Variants in MGAM2 observed in about 807,000 individuals in gnomAD.
MGAM2 encodes maltase-glucoamylase 2 (putative), also known as probable maltase-glucoamylase 2.
A neutral mutation model predicts 96.1 loss-of-function variants in MGAM2; 98 were observed. The observed-to-expected ratio is 1.02, with a 90% confidence interval of 0.87 to 1.21. The LOEUF is 1.21. Among genes scored for constraint, MGAM2 ranks in the 50% most tolerant of loss-of-function variants. The pLI, the probability that MGAM2 is intolerant of heterozygous loss-of-function variation, is 0.00. For missense variants in MGAM2, 2,055 were observed against 1,182.4 expected (o/e 1.74, Z -10.82); for synonymous variants, 749 against 414.8 (o/e 1.81, Z -9.79).
In MGAM2 at chr7:142,217,063, T is replaced by C. The variant is rs1272236946; in HGVS notation, c.5188-1298T>C. ...GCTTACCAGGAGTTCCGAAGTTACA[T>C]GTCCTTCCTAAGTTCTCTCTTGACC... is the stretch of plus-strand genomic sequence containing the variant. On this transcript the variant is annotated intron_variant, in intron 46 of 47. Coordinates refer to ENST00000477922, the MANE Select transcript of MGAM2 (RefSeq NM_001293626.2). Among the ~76,000 whole-genome samples, 3 of 152,218 alleles carry C rather than the reference T, an allele frequency of 2.0e-5. No homozygotes were observed. In the East Asian group the frequency reaches 5.8e-4, roughly 29 times the overall value.
intron 32 of MGAM2, among the ~76,000 whole-genome samples, chr7:142,181,267 A>G (rs919944538): frequency 1.3e-5 from 2 of 152,090 alleles, no homozygotes; most frequent in Admixed American, 1.3e-4. Flanking sequence ...TATGTTGAGT[A>G]TAGTTGATTG....
chr7:142,175,520 T>C (rs1349867159), intron 31 of MGAM2, 132 bp from the exon 32 acceptor site: 5 of 597,702 alleles, frequency 8.4e-6, no homozygotes, highest in Non-Finnish European at 1.5e-5. Flanking sequence ...AGGGAAGTAA[T>C]GAGATGAGGA....
At position 142,134,787 on chromosome 7, in the gene MGAM2, A is replaced by C. The variant is rs560531390; in HGVS notation, c.747+635A>C. Among the ~76,000 whole-genome samples the C allele has an allele frequency of 2.0e-5, 3 of 152,092 alleles. No homozygotes were observed. In the South Asian group the frequency reaches 6.2e-4, roughly 32 times the overall value. On this transcript the variant is annotated intron_variant, in intron 7 of 47. Transcript: ENST00000477922. ...AAGGACTAGTTTCTTAAAAAAAAAA[A>C]AAAAATCTAGCACTGGCAATAATTT...
Position 142,220,054 on chromosome 7 carries a change from C to A in MGAM2, c.5543C>A (p.Ala1848Glu), listed in dbSNP as rs1387810343. ...GAGACAATCACCAGTTCTGCCAGTGCAAATACTACCACTGGCACTACTGAT... is the reference window on the plus strand; with the variant it reads ...GAGACAATCACCAGTTCTGCCAGTGAAAATACTACCACTGGCACTACTGAT... ...SSETITSSAS[A>E]NTTTGTTDTV... Residue 1848 changes from alanine to glutamate, a missense_variant, in exon 48 of 48, where the codon GCA (alanine) becomes GAA (glutamate). By Grantham distance (107) the Ala-to-Glu change is moderately radical (BLOSUM62 -1). Transcript: ENST00000477922. 1 of 702,932 alleles carries A rather than the reference C, an allele frequency of 1.4e-6. No homozygotes were observed. Among genetic ancestry groups the A allele is most frequent in the East Asian group, 2.7e-5 (1 of 37,286 alleles). 43.5% of individuals were successfully genotyped at this position (702,932 alleles called of 1,614,324 possible). A position where few individuals can be genotyped will look rare whatever the true frequency, so the allele number is the denominator to read the frequency against.
intron 32 of MGAM2, among the ~76,000 whole-genome samples, chr7:142,181,319 G>C (rs990226312): frequency 2.0e-5 from 3 of 152,188 alleles, no homozygotes; most frequent in Non-Finnish European, 4.4e-5. Context: ...GGCTCTTTAA[G>C]AGATATTTAT....
intron 8 of MGAM2, among the ~76,000 whole-genome samples, 161 bp from the exon 9 acceptor site, chr7:142,137,272 T>C (rs1347120171): frequency 6.6e-6 from 1 of 152,084 alleles, no homozygotes; most frequent in Non-Finnish European, 1.5e-5. Flanking sequence ...TTCAATACTT[T>C]GATAAACTCC....
At chr7:142,113,587 T>C (rs1817250039) in intron 1 of MGAM2, among the ~76,000 whole-genome samples, 1 of 152,146 alleles carries the variant, frequency 6.6e-6, no homozygotes, top group South Asian at 2.1e-4. Flanking sequence ...AACAGATAAT[T>C]TGGCCAAATT....
At position 142,220,666 on chromosome 7, in the gene MGAM2, C is replaced by T. The variant is rs1343597195; in HGVS notation, c.6155C>T (p.Thr2052Ile). Residue 2052 changes from threonine to isoleucine, a missense_variant, in exon 48 of 48, where the codon ACT (threonine) becomes ATT (isoleucine). Transcript: ENST00000477922. ...TAPFPTSTTS[T>I]STSATVPITT... ...CCTTTCCCTACAAGTACTACTAGTACTAGCACTAGTGCTACTGTTCCTATT... is the reference window on the plus strand; with the variant it reads ...CCTTTCCCTACAAGTACTACTAGTATTAGCACTAGTGCTACTGTTCCTATT... The T allele has an allele frequency of 4.3e-6, 3 of 702,244 alleles. No individual in the cohort carries two copies. The African/African-American group carries it at 5.3e-5, about 12-fold the overall frequency. 43.5% of individuals were successfully genotyped at this position (702,244 alleles called of 1,614,324 possible).
At chr7:142,150,745 A>C (rs1414093706) in intron 15 of MGAM2, among the ~76,000 whole-genome samples, 1 of 152,154 alleles carries the variant, frequency 6.6e-6, no homozygotes, top group Non-Finnish European at 1.5e-5. Context: ...CCAGTGTAAA[A>C]TTATTTGTGC....
intron 22 of MGAM2, 93 bp from the exon 23 acceptor site, chr7:142,161,862 T>C (rs1033072435): frequency 3.5e-6 from 2 of 563,466 alleles, no homozygotes; most frequent in Non-Finnish European, 3.1e-6. Context: ...ACTAGATGGT[T>C]GGTAAAGGAA....
intron 37 of MGAM2, among the ~76,000 whole-genome samples, chr7:142,194,400 T>C (rs1204895164): frequency 6.6e-6 from 1 of 152,228 alleles, no homozygotes; most frequent in Non-Finnish European, 1.5e-5. Flanking sequence ...CTAGATTCTC[T>C]TTCTTTTCCT....
intron 32 of MGAM2, among the ~76,000 whole-genome samples, chr7:142,179,888 G>A (rs1015174362): frequency 2.0e-5 from 3 of 152,084 alleles, no homozygotes; most frequent in African/African-American, 7.2e-5. Context: ...ATCAGTTAGG[G>A]AGGCATCCCT....
intron 17 of MGAM2, 114 bp downstream of exon 17, chr7:142,154,959 T>A: frequency 1.6e-6 from 1 of 638,438 alleles, no homozygotes; most frequent in Admixed American, 2.4e-5. Flanking sequence ...AGCAGAAGGA[T>A]AAAAAAGTCT....
intron 26 of MGAM2, among the ~76,000 whole-genome samples, chr7:142,168,844 A>C (rs757509809): frequency 1.6e-4 from 25 of 152,152 alleles, no homozygotes; most frequent in Non-Finnish European, 3.5e-4. Flanking sequence ...AATTATTCTA[A>C]GTCTTCAAAA....
At chr7:142,217,309 A>G (rs995084639) in intron 46 of MGAM2, among the ~76,000 whole-genome samples, 2 of 152,104 alleles carry the variant, frequency 1.3e-5, no homozygotes, top group African/African-American at 4.8e-5. Context: ...TGTTCACTCT[A>G]AATTAACTTG....
In MGAM2 at chr7:142,158,088, A is replaced by G. The variant is rs553999482; in HGVS notation, c.2075A>G (p.His692Arg). 7 of 701,994 alleles carry G rather than the reference A, an allele frequency of 1.0e-5. No homozygotes were observed. The highest frequency in any genetic ancestry group is 3.5e-5 in the African/African-American group (2 of 57,348). The allele number at this position is 701,994 out of a possible 1,614,324, so 43.5% of individuals were successfully genotyped here. A position where few individuals can be genotyped will look rare whatever the true frequency, so the allele number is the denominator to read the frequency against. Residue 692 changes from histidine (H) to arginine (R), a missense_variant, in exon 18 of 48, where the codon CAT becomes CGT. His to Arg is a conservative substitution (Grantham distance 29, BLOSUM62 0). Coordinates refer to ENST00000477922, the MANE Select transcript of MGAM2 (RefSeq NM_001293626.2). The stretch of plus-strand genomic sequence containing the variant: ...GAGACGGTAGCAAGGCCCCTTGTAC[A>G]TGAGTGAGTTTCCTGATTCTCAAAG... Reference protein sequence around the residue: ...RGETVARPLVHEFYQDSATWD... With the variant: ...RGETVARPLVREFYQDSATWD...
chr7:142,198,203 CTAATAT>C lies in MGAM2; in HGVS notation c.4923+9_4923+14del, dbSNP rs1797110700. On this transcript the variant is annotated intron_variant, in intron 43 of 47. Coordinates refer to ENST00000477922, the MANE Select transcript of MGAM2 (RefSeq NM_001293626.2). Reference sequence around the variant, plus strand: ...TGGTATGACTATAGCACGGTAAGAACTAATATATTTGTGAAGAACCAGTTTGGTCTA... The same window carrying C: ...TGGTATGACTATAGCACGGTAAGAACATTTGTGAAGAACCAGTTTGGTCTA... The C allele has an allele frequency of 4.3e-6, 3 of 702,222 alleles. No individual in the cohort carries two copies. The highest frequency in any genetic ancestry group is 7.8e-6 in the Non-Finnish European group (3 of 384,602). 43.5% of individuals were successfully genotyped at this position (702,222 alleles called of 1,614,324 possible). A position where few individuals can be genotyped will look rare whatever the true frequency, so the allele number is the denominator to read the frequency against.
At chr7:142,184,573 G>T (rs1361020136) in intron 33 of MGAM2, among the ~76,000 whole-genome samples, 2 of 152,148 alleles carry the variant, frequency 1.3e-5, no homozygotes, top group Admixed American at 1.3e-4. Context: ...TAATCAGTGT[G>T]TATATACTTA....
chr7:142,167,567 A>T, intron 26 of MGAM2, 81 bp downstream of exon 26: 1 of 672,446 alleles, frequency 1.5e-6, no homozygotes, highest in Admixed American at 2.2e-5. Context: ...TCATTGAAAC[A>T]ATTAAAACAT....
Sources: allele counts gnomAD v4.1 joint callset (sites outside exome capture counted in the v4.1 genomes callset), GRCh38; gene constraint gnomAD v4.1.1; transcripts MANE v1.5; gene names NCBI Gene and HGNC (gene_info 2026-07-23, HGNC 2026-07-21).